CELF4: variants seen among roughly 807,000 people sequenced by gnomAD.
CELF4 encodes the protein CUG-BP- and ETR-3-like factor 4.
Under a neutral mutation model 59.9 loss-of-function variants are expected in CELF4, and 18 were observed. That is an observed-to-expected ratio of 0.30 (90% CI 0.21 to 0.45). The LOEUF is 0.45. Among genes scored for constraint, CELF4 ranks in the 20% least tolerant of loss-of-function variants. The pLI, the probability that CELF4 is intolerant of heterozygous loss-of-function variation, is 1.00. For missense variants in CELF4, 456 were observed against 689.0 expected (o/e 0.66, Z 3.79); for synonymous variants, 261 against 267.1 (o/e 0.98, Z 0.22).
At position 37,565,791 on chromosome 18, in the gene CELF4, GCTCT is replaced by G. The variant is rs1019987914; in HGVS notation, c.-154_-151del. ...ACACCTCGCTCTCCGCTCGCTCTCT[GCTCT>G]CTCTCTTTCTCCTCTTCTCTCGCTC... On this transcript the variant is annotated 5_prime_UTR_variant, in exon 1 of 13. Coordinates refer to ENST00000420428, the MANE Select transcript of CELF4 (RefSeq NM_020180.4). 45 of 538,420 alleles carry G rather than the reference GCTCT, an allele frequency of 8.4e-5. No homozygotes were observed. The highest frequency in any genetic ancestry group is 1.2e-4 in the Non-Finnish European group (40 of 324,694). The allele number at this position is 538,420 out of a possible 1,614,324, so 33.4% of individuals were successfully genotyped here.
intron 1 of CELF4, among the ~76,000 whole-genome samples, chr18:37,516,411 C>A (rs2099950691): frequency 1.3e-5 from 2 of 152,136 alleles, no homozygotes; most frequent in Admixed American, 1.3e-4. Flanking sequence ...CTCTGCTGTC[C>A]CCATGCCAAC....
intron 2 of CELF4, among the ~76,000 whole-genome samples, chr18:37,368,951 A>G (rs956619558): frequency 1.3e-5 from 2 of 152,192 alleles, no homozygotes; most frequent in African/African-American, 4.8e-5. Flanking sequence ...GCCTGCACAC[A>G]TGACCACATG....
At chr18:37,343,788 A>G (rs1171181726) in intron 2 of CELF4, among the ~76,000 whole-genome samples, 3 of 152,022 alleles carry the variant, frequency 2.0e-5, no homozygotes, top group African/African-American at 7.3e-5. Context: ...ACGTGTGCAG[A>G]CAAGTGTGCA....
chr18:37,343,329 CTGTGTGTGTGTGTGTGTGTGTGTGTGTG>C (rs5824051), intron 2 of CELF4, among the ~76,000 whole-genome samples: 1 of 126,956 alleles, frequency 7.9e-6, no homozygotes, highest in African/African-American at 3.0e-5. Flanking sequence ...GGTGTTGATT[CTGTGTGTGTGTGTGTGTGTGTGTGTGTG>C]TGTGTGTGTG....
intron 2 of CELF4, among the ~76,000 whole-genome samples, chr18:37,476,825 C>T (rs1603642145): frequency 6.6e-6 from 1 of 152,172 alleles, no homozygotes; most frequent in Non-Finnish European, 1.5e-5. Flanking sequence ...CTTGTGGCAG[C>T]CTCACATTCT....
chr18:37,451,118 A>G (rs2099762356), intron 2 of CELF4, among the ~76,000 whole-genome samples: 1 of 152,212 alleles, frequency 6.6e-6, no homozygotes, highest in Non-Finnish European at 1.5e-5. Flanking sequence ...TGGGACAACC[A>G]GCAGGATCAG....
At chr18:37,493,526 A>G (rs1569569642) in intron 1 of CELF4, among the ~76,000 whole-genome samples, 1 of 152,138 alleles carries the variant, frequency 6.6e-6, no homozygotes, top group Non-Finnish European at 1.5e-5. Flanking sequence ...GCGGAGTGGC[A>G]GCAGGAAGTG....
intron 2 of CELF4, among the ~76,000 whole-genome samples, chr18:37,460,592 A>G (rs752678394): frequency 3.3e-5 from 5 of 152,212 alleles, no homozygotes; most frequent in Non-Finnish European, 7.3e-5. Context: ...GATATGTCTC[A>G]CTGTTGGCTT....
chr18:37,294,455 C>T (rs988086236), intron 3 of CELF4, among the ~76,000 whole-genome samples: 4 of 152,186 alleles, frequency 2.6e-5, no homozygotes, highest in African/African-American at 7.2e-5. Context: ...TTAGGCCCTG[C>T]TCCTATGCAT....
At chr18:37,541,399 A>G (rs1406579934) in intron 1 of CELF4, among the ~76,000 whole-genome samples, 1 of 151,642 alleles carries the variant, frequency 6.6e-6, no homozygotes, top group East Asian at 1.9e-4. Context: ...TGGGACCCCT[A>G]TCTCCCAAAC....
chr18:37,470,879 T>TGAGAGAGA (rs1569569553), intron 2 of CELF4, among the ~76,000 whole-genome samples: 2 of 85,102 alleles, frequency 2.4e-5, no homozygotes, highest in African/African-American at 4.4e-5. Context: ...TGTGTGTGTG[T>TGAGAGAGA]GTGTGTGTGA....
At chr18:37,492,645 C>T (rs1447733976) in intron 1 of CELF4, among the ~76,000 whole-genome samples, 1 of 152,128 alleles carries the variant, frequency 6.6e-6, no homozygotes, top group East Asian at 1.9e-4. Flanking sequence ...ACATGTTCTT[C>T]CTCTGCAAAT....
At chr18:37,256,178 A>C (rs1298559121) in intron 11 of CELF4, among the ~76,000 whole-genome samples, 1 of 152,136 alleles carries the variant, frequency 6.6e-6, no homozygotes, top group Non-Finnish European at 1.5e-5. Flanking sequence ...TATCCTCAGA[A>C]GGTTTCTGCT....
chr18:37,521,468 A>T (rs2099957363), intron 1 of CELF4, among the ~76,000 whole-genome samples: 1 of 152,192 alleles, frequency 6.6e-6, no homozygotes, highest in Non-Finnish European at 1.5e-5. Flanking sequence ...TGGCTGATTG[A>T]TATCTACAAT....
intron 2 of CELF4, among the ~76,000 whole-genome samples, chr18:37,382,019 G>T (rs868037368): frequency 1.5e-4 from 23 of 152,218 alleles, no homozygotes; most frequent in Admixed American, 1.2e-3. Context: ...TGTAACTAGA[G>T]TTAAAGGCTC....
intron 1 of CELF4, among the ~76,000 whole-genome samples, chr18:37,512,147 C>A (rs1340517262): frequency 6.6e-6 from 1 of 152,164 alleles, no homozygotes; most frequent in Non-Finnish European, 1.5e-5. Flanking sequence ...GGGCAGGGGG[C>A]GAGAGTGTTT....
intron 12 of CELF4, among the ~76,000 whole-genome samples, chr18:37,248,134 C>T (rs752307965): frequency 2.6e-5 from 4 of 152,124 alleles, no homozygotes; most frequent in Non-Finnish European, 5.9e-5. Flanking sequence ...GCTGCAAGGG[C>T]ACCCACTGTG....
At chr18:37,473,127 T>A (rs1381812976) in intron 2 of CELF4, among the ~76,000 whole-genome samples, 1 of 152,150 alleles carries the variant, frequency 6.6e-6, no homozygotes, top group Non-Finnish European at 1.5e-5. Flanking sequence ...GCCCGTGCTA[T>A]CCCTGGTCCC....
intron 1 of CELF4, among the ~76,000 whole-genome samples, chr18:37,525,385 C>A (rs903208456): frequency 7.2e-5 from 11 of 152,324 alleles, no homozygotes; most frequent in Non-Finnish European, 7.3e-5. Context: ...CACGCCTAGA[C>A]TGGGAGCCAG....
Sources: allele counts gnomAD v4.1 joint callset (sites outside exome capture counted in the v4.1 genomes callset), GRCh38; gene constraint gnomAD v4.1.1; transcripts MANE v1.5; gene names NCBI Gene and HGNC (gene_info 2026-07-23, HGNC 2026-07-21).